The following AGTPBP1 variants were observed in gnomAD, a reference collection of about 807,000 sequenced individuals.
The protein encoded by AGTPBP1 is ATP/GTP binding carboxypeptidase 1.
In AGTPBP1, 70 loss-of-function variants were observed where a neutral mutation model predicts 143.9. The observed-to-expected ratio is 0.49, with a 90% CI of 0.40 to 0.59. The LOEUF is 0.59. Ranked by LOEUF, AGTPBP1 falls within the 20% of genes least tolerant of loss-of-function variation. The probability of loss-of-function intolerance (pLI) is 0.00; values close to 1 mark genes in which losing one functional copy is unlikely to be tolerated. For synonymous variants in AGTPBP1, 463 were observed against 500.2 expected (o/e 0.93, Z 0.99); for missense variants, 1,229 against 1,464.5 (o/e 0.84, Z 2.62).
At chr9:85,720,506 T>C (rs1019153768) in intron 1 of AGTPBP1, among the ~76,000 whole-genome samples, 1 of 152,216 alleles carries the variant, frequency 6.6e-6, no homozygotes, top group Non-Finnish European at 1.5e-5. Flanking sequence ...TCAGTGGTGA[T>C]ATCCCCTTTA....
At chr9:85,804,534 A>G in the AGTPBP1 span, among the ~76,000 whole-genome samples, 1 of 152,186 alleles carries the variant, frequency 6.6e-6, no homozygotes, top group Non-Finnish European at 1.5e-5. Flanking sequence ...CTTTGAAGGC[A>G]AAGGTATCTT....
intron 1 of AGTPBP1, chr9:85,741,556 C>T: frequency 4.1e-6 from 4 of 985,398 alleles, no homozygotes; most frequent in Non-Finnish European, 4.8e-6. Context: ...TTTCCAGACC[C>T]AGTCAAAGCC....
Position 85,618,023 on chromosome 9 carries a change from C to T in AGTPBP1, c.2335+960G>A, listed in dbSNP as rs1398105528. On this transcript the variant is annotated intron_variant, in intron 17 of 25. Transcript: ENST00000357081. ...GGGAAGCCAAGGTGGGCAGATCACT[C>T]GAGGTCAGGAGTGCGAGACCAGCCT... Among the ~76,000 whole-genome samples, 13 of 152,156 alleles carry T rather than the reference C, an allele frequency of 8.5e-5. No homozygotes were observed. In the East Asian group the frequency reaches 1.5e-3, roughly 18 times the overall value.
At chr9:85,563,722 G>A (rs777179015) in intron 25 of AGTPBP1, among the ~76,000 whole-genome samples, 14 of 152,162 alleles carry the variant, frequency 9.2e-5, no homozygotes, top group Non-Finnish European at 1.9e-4. Flanking sequence ...AACAGAGCCA[G>A]GAGCTATTGT....
chr9:85,743,616 A>G (rs977211920), upstream of AGTPBP1, among the ~76,000 whole-genome samples: 11 of 152,272 alleles, frequency 7.2e-5, no homozygotes, highest in East Asian at 1.7e-3. Context: ...GACCTCAACT[A>G]CAGGATTTCG....
intron 17 of AGTPBP1, among the ~76,000 whole-genome samples, chr9:85,597,277 A>C (rs1829358226): frequency 6.6e-6 from 1 of 151,990 alleles, no homozygotes; most frequent in Non-Finnish European, 1.5e-5. Context: ...TCACATTATC[A>C]AATAAACTCA....
intron 25 of AGTPBP1, among the ~76,000 whole-genome samples, chr9:85,572,011 T>G (rs890909658): frequency 6.4e-5 from 1 of 15,624 alleles, no homozygotes; most frequent in Admixed American, 7.6e-4. Context: ...TGTGTTTTTT[T>G]TTTTTTTTTT....
chr9:85,651,508 A>G (rs62569174), intron 11 of AGTPBP1, among the ~76,000 whole-genome samples: 2,546 of 152,324 alleles, frequency 0.017, 25 homozygotes, highest in Middle Eastern at 0.054. Flanking sequence ...TAATAATACT[A>G]TAACAACTAT....
At position 85,668,967 on chromosome 9, in the gene AGTPBP1, A is replaced by ATGTGTG. The variant is rs539493558; in HGVS notation, c.662+512_662+517dup. On this transcript the variant is annotated intron_variant, in intron 8 of 25. Transcript: ENST00000357081. ...TGAATAAAAATACATACATACATACATGTGTGTGTGTGTGTGTGTGTGTGT... is the reference window on the plus strand; with the variant it reads ...TGAATAAAAATACATACATACATACATGTGTGTGTGTGTGTGTGTGTGTGTGTGTGT... Among the ~76,000 whole-genome samples, 86 of 114,432 alleles carry ATGTGTG rather than the reference A, an allele frequency of 7.5e-4. 2 individuals carry two copies. In the South Asian group the frequency reaches 0.012, roughly 17 times the overall value. The allele number at this position is 114,432 out of a possible 152,430, so 75.1% of individuals were successfully genotyped here.
the AGTPBP1 span, among the ~76,000 whole-genome samples, chr9:85,798,352 C>T: frequency 7.5e-6 from 1 of 134,052 alleles, no homozygotes; most frequent in African/African-American, 2.8e-5. Flanking sequence ...GCTTTTATTT[C>T]CTCCAAGTTC....
At chr9:85,804,242 T>C in the AGTPBP1 span, among the ~76,000 whole-genome samples, 3 of 152,186 alleles carry the variant, frequency 2.0e-5, no homozygotes, top group Non-Finnish European at 4.4e-5. Context: ...TTGTCTTTTC[T>C]ACCTCTCAAC....
the AGTPBP1 span, among the ~76,000 whole-genome samples, chr9:85,760,988 A>G: frequency 6.6e-6 from 1 of 152,176 alleles, no homozygotes; most frequent in Admixed American, 6.5e-5. Context: ...ACAAACAGAG[A>G]GCCAAATCAT....
chr9:85,606,526 A>G (rs929003634), intron 17 of AGTPBP1, among the ~76,000 whole-genome samples: 3 of 152,042 alleles, frequency 2.0e-5, no homozygotes, highest in Non-Finnish European at 2.9e-5. Flanking sequence ...ATAAAACAAC[A>G]TAAGATCCAG....
At chr9:85,569,400 C>T (rs149989233) in intron 25 of AGTPBP1, among the ~76,000 whole-genome samples, 1 of 151,876 alleles carries the variant, frequency 6.6e-6, no homozygotes, top group African/African-American at 2.4e-5. Flanking sequence ...TATTATATTA[C>T]TATAAAATAA....
At chr9:85,767,473 G>A in the AGTPBP1 span, among the ~76,000 whole-genome samples, 2,575 of 151,752 alleles carry the variant, frequency 0.017, 87 homozygotes, top group African/African-American at 0.059. Flanking sequence ...TCAGCCACTC[G>A]AGTAGCTGGC....
intron 25 of AGTPBP1, among the ~76,000 whole-genome samples, chr9:85,565,653 A>G (rs922575352): frequency 3.3e-5 from 5 of 152,118 alleles, no homozygotes. Flanking sequence ...TTACACTTGG[A>G]AATGTGTCTT....
intron 14 of AGTPBP1, among the ~76,000 whole-genome samples, chr9:85,626,757 A>G (rs1831323644): frequency 6.6e-6 from 1 of 152,160 alleles, no homozygotes; most frequent in Non-Finnish European, 1.5e-5. Context: ...TAGCACAAAA[A>G]CAGTCATAGA....
the AGTPBP1 span, chr9:85,764,973 T>C: frequency 2.6e-6 from 2 of 757,012 alleles, no homozygotes. Flanking sequence ...ATGGATCACT[T>C]GAGTGATTTC....
intron 19 of AGTPBP1, among the ~76,000 whole-genome samples, chr9:85,590,500 A>C (rs1828891283): frequency 6.6e-6 from 1 of 152,150 alleles, no homozygotes; most frequent in Non-Finnish European, 1.5e-5. Context: ...TTAGATATTC[A>C]GTTGGTTTTC....
Sources: allele counts gnomAD v4.1 joint callset (sites outside exome capture counted in the v4.1 genomes callset), GRCh38; gene constraint gnomAD v4.1.1; transcripts MANE v1.5; gene names NCBI Gene and HGNC (gene_info 2026-07-23, HGNC 2026-07-21).